The following ADAMTS18 variants were observed in gnomAD, a reference collection of about 807,000 sequenced individuals.
The protein encoded by ADAMTS18 is ADAM metallopeptidase with thrombospondin type 1 motif 18, also known as A disintegrin and metalloproteinase with thrombospondin motifs 18.
Under a neutral mutation model 165.9 loss-of-function variants are expected in ADAMTS18, and 157 were observed. The observed-to-expected ratio is 0.95, with a 90% confidence interval of 0.83 to 1.08. The LOEUF is 1.08. Among genes scored for constraint, ADAMTS18 ranks in the 50% least tolerant of loss-of-function variants. ADAMTS18 has a pLI of 0.00. For missense variants in ADAMTS18, 2,040 were observed against 1,534.0 expected (o/e 1.33, Z -5.51); for synonymous variants, 782 against 578.2 (o/e 1.35, Z -5.06).
chr16:77,341,589 G>C, intron 11 of ADAMTS18, 115 bp downstream of exon 11: 1 of 828,730 alleles, frequency 1.2e-6, no homozygotes, highest in East Asian at 2.7e-5. Context: ...AATATGAAGA[G>C]AAGTCAGAGA....
At chr16:77,413,886 C>A (rs1270347433) in intron 3 of ADAMTS18, among the ~76,000 whole-genome samples, 1 of 150,862 alleles carries the variant, frequency 6.6e-6, no homozygotes, top group African/African-American at 2.4e-5. Flanking sequence ...CATGTACGTT[C>A]TGAAAATGTT....
intron 20 of ADAMTS18, among the ~76,000 whole-genome samples, chr16:77,292,371 C>G (rs1472423415): frequency 6.6e-6 from 1 of 152,162 alleles, no homozygotes; most frequent in African/African-American, 2.4e-5. Flanking sequence ...GATTTTTCCA[C>G]CCCATCCCAT....
intron 6 of ADAMTS18, 40 bp from the exon 7 acceptor site, chr16:77,362,304 C>T: frequency 6.2e-7 from 1 of 1,608,008 alleles, no homozygotes; most frequent in Non-Finnish European, 8.5e-7. Flanking sequence ...GAATTTGTCA[C>T]AGAGATGAGA....
intron 16 of ADAMTS18, among the ~76,000 whole-genome samples, chr16:77,316,324 G>A (rs554909506): frequency 2.6e-5 from 4 of 151,406 alleles, no homozygotes; most frequent in Non-Finnish European, 5.9e-5. Context: ...GTGCAATCTC[G>A]GCTCACTGCA....
chr16:77,369,310 C>T (rs1242470269), intron 3 of ADAMTS18, among the ~76,000 whole-genome samples: 1 of 152,010 alleles, frequency 6.6e-6, no homozygotes, highest in Non-Finnish European at 1.5e-5. Context: ...TGAACTTTTA[C>T]ATTCTTTTTT....
chr16:77,343,344 G>A (rs567703262), intron 10 of ADAMTS18, among the ~76,000 whole-genome samples: 1 of 152,314 alleles, frequency 6.6e-6, no homozygotes, highest in Admixed American at 6.5e-5. Context: ...AAAGTGCTAG[G>A]ATTGCTCACA....
chr16:77,374,728 T>A lies in ADAMTS18; in HGVS notation c.496-7005A>T, dbSNP rs180776585. 1.2e-3 allele frequency among the ~76,000 whole-genome samples: 186 copies of A among 152,226 alleles called. 1 individual carries two copies. The highest frequency in any genetic ancestry group is 3.4e-3 in the Middle Eastern group (1 of 294). Reference sequence around the variant, plus strand: ...GCAAACTGCAGACAACTCAAATGCATAGAGAAAACTTCCACACTGAGAAAG... The same window carrying A: ...GCAAACTGCAGACAACTCAAATGCAAAGAGAAAACTTCCACACTGAGAAAG... On this transcript the variant is annotated intron_variant, in intron 3 of 22. Transcript: ENST00000282849.
intron 3 of ADAMTS18, among the ~76,000 whole-genome samples, chr16:77,425,281 G>T (rs1218609590): frequency 6.6e-6 from 1 of 152,146 alleles, no homozygotes; most frequent in African/African-American, 2.4e-5. Context: ...GAGAAACGAG[G>T]GGAAACCGAG....
intron 18 of ADAMTS18, among the ~76,000 whole-genome samples, chr16:77,296,620 G>C (rs569203531): frequency 6.6e-6 from 1 of 152,258 alleles, no homozygotes; most frequent in African/African-American, 2.4e-5. Context: ...GATCACTTGA[G>C]GCCAGCCTGG....
intron 4 of ADAMTS18, among the ~76,000 whole-genome samples, chr16:77,366,760 G>A (rs1297137700): frequency 6.6e-6 from 1 of 152,044 alleles, no homozygotes; most frequent in African/African-American, 2.4e-5. Context: ...TAAAATAAAC[G>A]CTGGATTTCC....
At chr16:77,383,208 G>C (rs564855633) in intron 3 of ADAMTS18, among the ~76,000 whole-genome samples, 16 of 152,034 alleles carry the variant, frequency 1.1e-4, no homozygotes, top group Non-Finnish European at 1.6e-4. Flanking sequence ...CTTCTCCCTT[G>C]CTCCAGAGTT....
intron 3 of ADAMTS18, among the ~76,000 whole-genome samples, chr16:77,370,500 A>C (rs771479323): frequency 3.9e-5 from 6 of 152,196 alleles, no homozygotes; most frequent in Non-Finnish European, 8.8e-5. Context: ...CTGTAATCTC[A>C]GGACTTTGGG....
rs772364406 is a variant in ADAMTS18 at position 77,294,918 on chromosome 16, G to C, written c.3006+5C>G. 6.2e-7 allele frequency: 1 copy of C among 1,614,048 alleles called. No homozygotes were observed. Among genetic ancestry groups the C allele is most frequent in the Non-Finnish European group, 8.5e-7 (1 of 1,179,998 alleles). ...AATAGTAACTCCCAAGTTTTCTCCT[G>C]TTACCTGAGACCAGGGTCCAAGGCT... On this transcript the variant is annotated splice_donor_5th_base_variant and intron_variant, in intron 19 of 22. Coordinates refer to ENST00000282849, the MANE Select transcript of ADAMTS18 (RefSeq NM_199355.4).
intron 3 of ADAMTS18, among the ~76,000 whole-genome samples, chr16:77,390,355 C>A (rs1597213817): frequency 6.6e-6 from 1 of 151,388 alleles, no homozygotes; most frequent in Admixed American, 6.6e-5. Context: ...CTGTGTAGAT[C>A]AGAGAAGAGC....
At chr16:77,356,195 TTAAAA>T in intron 8 of ADAMTS18, 118 bp from the exon 9 acceptor site, 1 of 1,378,084 alleles carries the variant, frequency 7.3e-7, no homozygotes, top group Non-Finnish European at 1.0e-6. Flanking sequence ...GACAGAGTTA[TTAAAA>T]CTGGAAAAGA....
At chr16:77,417,067 T>C (rs2057540100) in intron 3 of ADAMTS18, among the ~76,000 whole-genome samples, 1 of 152,174 alleles carries the variant, frequency 6.6e-6, no homozygotes, top group South Asian at 2.1e-4. Flanking sequence ...GTTCCCAGGG[T>C]CCTTTGCACA....
intron 16 of ADAMTS18, among the ~76,000 whole-genome samples, chr16:77,313,088 T>G (rs2055813444): frequency 6.8e-6 from 1 of 146,422 alleles, no homozygotes; most frequent in East Asian, 2.0e-4. Flanking sequence ...ATGTGGCACA[T>G]ATGCACCATG....
intron 13 of ADAMTS18, among the ~76,000 whole-genome samples, chr16:77,325,512 T>G (rs1023938691): frequency 6.6e-6 from 1 of 152,066 alleles, no homozygotes. Flanking sequence ...GGGGTATATA[T>G]GGTTTCATGA....
At chr16:77,303,734 T>C (rs753019027) in intron 16 of ADAMTS18, among the ~76,000 whole-genome samples, 4 of 151,902 alleles carry the variant, frequency 2.6e-5, no homozygotes, top group Non-Finnish European at 5.9e-5. Context: ...GTTATTTGGG[T>C]TAAAAATCAA....
Sources: gnomAD v4.1 joint callset for allele counts (sites outside exome capture counted in the v4.1 genomes callset) on GRCh38, gnomAD v4.1.1 for gene constraint, MANE v1.5 for transcripts, NCBI Gene and HGNC (gene_info 2026-07-23, HGNC 2026-07-21) for gene names.